UAP1: variants seen among roughly 807,000 people sequenced by gnomAD.
The protein encoded by UAP1 is UDP-N-acetylglucosamine pyrophosphorylase 1.
UAP1 carries 25 observed loss-of-function variants against 58.5 expected under a neutral mutation model. The ratio of observed to expected loss-of-function variants is 0.43; its 90% CI spans 0.31 to 0.60. The LOEUF is 0.60. UAP1 is among the 20% of genes least tolerant of loss of function. UAP1 has a pLI of 0.11. For synonymous variants in UAP1, 208 were observed against 213.0 expected (o/e 0.98, Z 0.21); for missense variants, 575 against 630.0 (o/e 0.91, Z 0.93).
In UAP1 at chr1:162,590,308, A is replaced by T. The variant is rs773623440; in HGVS notation, c.1170-15A>T. 4 of 1,601,326 alleles carry T rather than the reference A, an allele frequency of 2.5e-6. No individual in the cohort carries two copies. In the African/African-American group the frequency reaches 5.4e-5, roughly 22 times the overall value. ...AGTTTCATAATAAAGAGGTCTTTAT[A>T]TGGTTTCGCTCTAGGAAGTTTGTGG... On this transcript the variant is annotated splice_polypyrimidine_tract_variant and intron_variant, in intron 7 of 10. Transcript: ENST00000271469.
intron 9 of UAP1, chr1:162,593,287 T>G (rs1391356052): frequency 6.5e-6 from 1 of 153,502 alleles, no homozygotes; most frequent in African/African-American, 2.4e-5. Context: ...GCATTAATTT[T>G]AGTCAGTTAC....
chr1:162,572,509 C>G (rs1195010069), intron 2 of UAP1, among the ~76,000 whole-genome samples: 1 of 152,110 alleles, frequency 6.6e-6, no homozygotes, highest in Non-Finnish European at 1.5e-5. Flanking sequence ...AAATAACTTT[C>G]CTGGGACTGA....
intron 9 of UAP1, among the ~76,000 whole-genome samples, chr1:162,595,559 T>C (rs2101842876): frequency 1.3e-5 from 2 of 152,284 alleles, no homozygotes; most frequent in South Asian, 4.1e-4. Context: ...CCTCCTCTTT[T>C]CCCTTCATTA....
chr1:162,595,413 T>G lies in UAP1; in HGVS notation c.1410-2379T>G, dbSNP rs146796225. Among the ~76,000 whole-genome samples, 616 of 152,270 alleles carry G rather than the reference T, an allele frequency of 4.0e-3. 1 individual carries two copies. Among genetic ancestry groups the G allele is most frequent in the African/African-American group, 0.014 (594 of 41,540 alleles). ...GGGTGGGCCCTCATTTTTTCCTTTT[T>G]TTTTCCTCGGCATGCCTACTCAAGA... On this transcript the variant is annotated intron_variant, in intron 9 of 10. Coordinates refer to ENST00000271469, the Ensembl canonical transcript of UAP1.
At chr1:162,565,717 G>A (rs1653450198) in intron 1 of UAP1, among the ~76,000 whole-genome samples, 2 of 152,134 alleles carry the variant, frequency 1.3e-5, no homozygotes, top group Admixed American at 1.3e-4. Flanking sequence ...TCCACTCACT[G>A]GTTAGGTTAC....
chr1:162,600,013 C>G (rs1335351913), downstream of UAP1, among the ~76,000 whole-genome samples: 2 of 152,152 alleles, frequency 1.3e-5, no homozygotes, highest in Non-Finnish European at 2.9e-5. Flanking sequence ...AATAGTAGCT[C>G]TCACCCAAAG....
chr1:162,575,274 G>C (rs575328839), intron 2 of UAP1, among the ~76,000 whole-genome samples: 1 of 152,058 alleles, frequency 6.6e-6, no homozygotes, highest in East Asian at 1.9e-4. Context: ...TCGCCATGTT[G>C]GTCAGGCTGG....
chr1:162,570,277 TCA>T (rs34065384), intron 2 of UAP1, among the ~76,000 whole-genome samples: 2 of 152,086 alleles, frequency 1.3e-5, no homozygotes, highest in Admixed American at 6.6e-5. Context: ...GTCTTTTCTT[TCA>T]CACACACACA....
At chr1:162,571,378 C>G (rs1367643622) in intron 2 of UAP1, among the ~76,000 whole-genome samples, 1 of 152,078 alleles carries the variant, frequency 6.6e-6, no homozygotes, top group Non-Finnish European at 1.5e-5. Context: ...GATTTGCCTG[C>G]CTTGGCCTCC....
At chr1:162,570,593 A>G (rs1353179084) in intron 2 of UAP1, among the ~76,000 whole-genome samples, 2 of 152,160 alleles carry the variant, frequency 1.3e-5, no homozygotes. Flanking sequence ...TGCCATTATT[A>G]TACCTAATGA....
intron 10 of UAP1, among the ~76,000 whole-genome samples, chr1:162,598,669 A>T (rs1655753011): frequency 6.6e-6 from 1 of 151,984 alleles, no homozygotes; most frequent in African/African-American, 2.4e-5. Context: ...TTTCCTGGAG[A>T]TCTTTGTATT....
chr1:162,566,099 T>C lies in UAP1; in HGVS notation c.31T>C (p.Ser11Pro), dbSNP rs144981978. ...CATTAATGACCTCAAACTCACGTTGTCCAAAGCTGGGCAAGAGCACCTACT... is the reference window on the plus strand; with the variant it reads ...CATTAATGACCTCAAACTCACGTTGCCCAAAGCTGGGCAAGAGCACCTACT... The change falls in exon 2 of 11, where the codon TCC becomes CCC. Residue 11 changes from serine (S) to proline (P), a missense_variant. Ser to Pro is a moderately conservative substitution (Grantham distance 74). Transcript: ENST00000271469. 35 of 1,612,460 alleles carry C rather than the reference T, an allele frequency of 2.2e-5. No homozygotes were observed. The highest frequency in any genetic ancestry group is 2.7e-5 in the Non-Finnish European group (32 of 1,180,030).
chr1:162,571,979 A>T (rs751844165), intron 2 of UAP1, among the ~76,000 whole-genome samples: 33 of 152,212 alleles, frequency 2.2e-4, no homozygotes, highest in Non-Finnish European at 4.4e-4. Context: ...CTGTTTGCTC[A>T]TAAGTGAGAT....
chr1:162,594,287 T>G (rs908269831), intron 9 of UAP1, among the ~76,000 whole-genome samples: 6 of 152,214 alleles, frequency 3.9e-5, no homozygotes, highest in Admixed American at 3.9e-4. Flanking sequence ...GCACACAACC[T>G]AGATCCCTTA....
chr1:162,577,432 T>TC (rs1654260373), intron 3 of UAP1, among the ~76,000 whole-genome samples: 1 of 139,408 alleles, frequency 7.2e-6, no homozygotes, highest in Non-Finnish European at 1.5e-5. Flanking sequence ...GTTAGTTCCT[T>TC]CCCTTTTTTT....
chr1:162,578,959 A>G (rs1654380111), intron 3 of UAP1, among the ~76,000 whole-genome samples: 1 of 152,172 alleles, frequency 6.6e-6, no homozygotes, highest in Admixed American at 6.5e-5. Flanking sequence ...TTTTTGTGAC[A>G]ACAGAAAGTA....
intron 1 of UAP1, among the ~76,000 whole-genome samples, chr1:162,565,667 G>A (rs1298973915): frequency 6.6e-6 from 1 of 152,188 alleles, no homozygotes; most frequent in African/African-American, 2.4e-5. Context: ...GGTAGAGAGT[G>A]TGAACCATGT....
intron 9 of UAP1, chr1:162,597,516 G>A (rs1200131985): frequency 8.5e-6 from 3 of 351,230 alleles, no homozygotes; most frequent in East Asian, 1.0e-4. Context: ...AAAATGAGAT[G>A]TATGTAAGGG....
intron 2 of UAP1, among the ~76,000 whole-genome samples, chr1:162,567,392 TG>T (rs1011067144): frequency 7.2e-5 from 11 of 152,186 alleles, no homozygotes; most frequent in Non-Finnish European, 1.6e-4. Flanking sequence ...GATCAATAAG[TG>T]TTTGTTGAAT....
Sources: gnomAD v4.1 joint callset for allele counts (sites outside exome capture counted in the v4.1 genomes callset) on GRCh38, gnomAD v4.1.1 for gene constraint, MANE v1.5 for transcripts, NCBI Gene and HGNC (gene_info 2026-07-23, HGNC 2026-07-21) for gene names.